The following SAMD5 variants were observed in gnomAD, a reference collection of about 807,000 sequenced individuals.
SAMD5 encodes sterile alpha motif domain-containing protein 5.
Under a neutral mutation model 11.3 loss-of-function variants are expected in SAMD5, and 13 were observed. That is an observed-to-expected ratio of 1.15 (90% confidence interval 0.75 to 1.83). The LOEUF (loss-of-function observed/expected upper bound fraction) is 1.83. Among genes scored for constraint, SAMD5 ranks in the 40% most tolerant of loss-of-function variants. SAMD5 has a pLI of 0.00. For missense variants in SAMD5, 255 were observed against 239.1 expected (o/e 1.07, Z -0.44); for synonymous variants, 129 against 111.3 (o/e 1.16, Z -1.00).
At chr6:147,778,544 C>T in the SAMD5 span, among the ~76,000 whole-genome samples, 1 of 152,170 alleles carries the variant, frequency 6.6e-6, no homozygotes, top group Non-Finnish European at 1.5e-5. Flanking sequence ...AGGCTCCAAA[C>T]CTTGGATTCA....
chr6:147,838,966 T>C, the SAMD5 span, among the ~76,000 whole-genome samples: 4 of 152,216 alleles, frequency 2.6e-5, no homozygotes, highest in Admixed American at 2.6e-4. Context: ...GGGCCTGGAA[T>C]AAATCACAGT....
downstream of SAMD5, among the ~76,000 whole-genome samples, chr6:147,574,136 A>AC (rs1583090846): frequency 6.6e-6 from 1 of 151,554 alleles, no homozygotes; most frequent in East Asian, 1.9e-4. Context: ...TCAAAAAAAA[A>AC]AAACAAAAAA....
intron 1 of SAMD5, among the ~76,000 whole-genome samples, chr6:147,518,610 A>G (rs1788207669): frequency 6.6e-6 from 1 of 152,180 alleles, no homozygotes; most frequent in South Asian, 2.1e-4. Context: ...TGAGGTGAAG[A>G]CACCCTGAAG....
the SAMD5 span, among the ~76,000 whole-genome samples, chr6:147,843,041 G>A: frequency 2.0e-5 from 3 of 152,228 alleles, no homozygotes; most frequent in Admixed American, 6.5e-5. Context: ...TGTATTTTTA[G>A]TAGAAACAGG....
intron 1 of SAMD5, among the ~76,000 whole-genome samples, chr6:147,614,811 A>G (rs988738263): frequency 6.6e-6 from 1 of 151,980 alleles, no homozygotes; most frequent in Non-Finnish European, 1.5e-5. Context: ...ACTTCACTCA[A>G]GGTTTTTGCA....
intron 1 of SAMD5, among the ~76,000 whole-genome samples, chr6:147,686,271 A>T (rs1333713426): frequency 5.3e-5 from 8 of 152,092 alleles, no homozygotes; most frequent in Non-Finnish European, 1.2e-4. Flanking sequence ...GGTATCTCTC[A>T]ATATTATGTA....
At chr6:147,811,639 G>A in the SAMD5 span, among the ~76,000 whole-genome samples, 1 of 152,162 alleles carries the variant, frequency 6.6e-6, no homozygotes, top group African/African-American at 2.4e-5. Flanking sequence ...GAGTGCCAGA[G>A]AAGAGGGGGA....
At chr6:147,611,502 G>T (rs899621141) in intron 1 of SAMD5, among the ~76,000 whole-genome samples, 2 of 151,922 alleles carry the variant, frequency 1.3e-5, no homozygotes, top group Admixed American at 6.6e-5. Flanking sequence ...TGCGGAGGTT[G>T]CAGTGAGCCG....
At chr6:147,605,909 C>T (rs949267771) in intron 1 of SAMD5, among the ~76,000 whole-genome samples, 3 of 151,996 alleles carry the variant, frequency 2.0e-5, no homozygotes, top group African/African-American at 7.2e-5. Context: ...GTTTGAGGCA[C>T]GGAGTGCTTA....
chr6:147,723,472 T>C (rs1791583443), intron 1 of SAMD5, among the ~76,000 whole-genome samples: 1 of 152,138 alleles, frequency 6.6e-6, no homozygotes, highest in African/African-American at 2.4e-5. Context: ...ACAAGAAGCA[T>C]CTGGGGAAGA....
chr6:147,907,404 C>G, the SAMD5 span, among the ~76,000 whole-genome samples: 1 of 151,994 alleles, frequency 6.6e-6, no homozygotes, highest in Non-Finnish European at 1.5e-5. Context: ...AAAGTGTCCC[C>G]CATATTATTA....
intron 1 of SAMD5, among the ~76,000 whole-genome samples, chr6:147,628,664 A>C (rs1241620165): frequency 6.6e-6 from 1 of 152,080 alleles, no homozygotes; most frequent in Non-Finnish European, 1.5e-5. Flanking sequence ...TTTTTTTCAA[A>C]CAAAAGATTA....
chr6:147,769,353 AT>A, the SAMD5 span, among the ~76,000 whole-genome samples: 2 of 151,572 alleles, frequency 1.3e-5, no homozygotes, highest in African/African-American at 2.4e-5. Context: ...TTTCATTTTC[AT>A]TTTCCTTTCT....
intron 1 of SAMD5, among the ~76,000 whole-genome samples, chr6:147,733,054 G>C (rs1791740286): frequency 6.6e-6 from 1 of 152,182 alleles, no homozygotes; most frequent in South Asian, 2.1e-4. Flanking sequence ...TTCATTCCTA[G>C]TTAGGTCTAT....
chr6:147,689,582 G>A (rs1791071065), intron 1 of SAMD5, among the ~76,000 whole-genome samples: 1 of 152,106 alleles, frequency 6.6e-6, no homozygotes, highest in South Asian at 2.1e-4. Context: ...TGACTAAAGG[G>A]GCATTTTTTT....
At chr6:147,648,551 A>G (rs1386395071) in intron 1 of SAMD5, among the ~76,000 whole-genome samples, 1 of 152,218 alleles carries the variant, frequency 6.6e-6, no homozygotes, top group East Asian at 1.9e-4. Flanking sequence ...GTCCACCCCC[A>G]CTGTCATCCT....
At chr6:147,917,084 G>T in the SAMD5 span, among the ~76,000 whole-genome samples, 45 of 98,056 alleles carry the variant, frequency 4.6e-4, no homozygotes, top group African/African-American at 2.5e-3. Flanking sequence ...TAATGGGATG[G>T]CTGGGTCAAA....
chr6:147,684,144 G>A lies in SAMD5; in HGVS notation c.163-53173G>A, dbSNP rs145450052. ...CATTACCTCTTTCCCAGAGCTAAGC[G>A]TTTCATTATGATTAGTTCTTCCTAT... On this transcript the variant is annotated intron_variant, in intron 1 of 1. Coordinates refer to the SAMD5 transcript ENST00000566741. Among the ~76,000 whole-genome samples the A allele has an allele frequency of 3.7e-3, 569 of 151,970 alleles. 1 individual carries two copies. Among genetic ancestry groups the A allele is most frequent in the African/African-American group, 0.013 (545 of 41,464 alleles).
the SAMD5 span, among the ~76,000 whole-genome samples, chr6:147,897,295 C>G: frequency 1.3e-5 from 2 of 152,064 alleles, no homozygotes; most frequent in South Asian, 4.2e-4. Flanking sequence ...TTGTACTGTG[C>G]GTGTGTTGAA....
Sources: allele counts gnomAD v4.1 joint callset (sites outside exome capture counted in the v4.1 genomes callset), GRCh38; gene constraint gnomAD v4.1.1; transcripts MANE v1.5; gene names NCBI Gene and HGNC (gene_info 2026-07-23, HGNC 2026-07-21).